LOC112694756: variants seen among roughly 807,000 people sequenced by gnomAD.
the LOC112694756 span, among the ~76,000 whole-genome samples, chr16:30,063,113 C>T: frequency 1.3e-5 from 2 of 151,448 alleles, no homozygotes; most frequent in African/African-American, 2.4e-5. Context: ...TGCACTCCAC[C>T]CTGGGCAACA....
the LOC112694756 span, chr16:30,066,753 C>A: frequency 1.0e-6 from 1 of 990,358 alleles, no homozygotes; most frequent in Admixed American, 2.8e-5. Flanking sequence ...TCAGATCTGG[C>A]TCCGGGGTTG....
At chr16:30,070,079 A>G in the LOC112694756 span, 2 of 1,613,616 alleles carry the variant, frequency 1.2e-6, no homozygotes, top group Non-Finnish European at 1.7e-6. Context: ...TGGGACTCGG[A>G]GAAGAGCCCT....
chr16:30,068,062 A>T, the LOC112694756 span: 73 of 176,884 alleles, frequency 4.1e-4, no homozygotes, highest in African/African-American at 1.9e-3. Context: ...TTTTAAGTAA[A>T]TTTTTTTTTT....
chr16:30,058,540 C>T, the LOC112694756 span, among the ~76,000 whole-genome samples: 3 of 149,460 alleles, frequency 2.0e-5, no homozygotes, highest in Non-Finnish European at 4.4e-5. Context: ...TGCTGGAGTG[C>T]AGTGGTGCAA....
chr16:30,054,243 C>T, the LOC112694756 span, among the ~76,000 whole-genome samples: 2 of 151,418 alleles, frequency 1.3e-5, no homozygotes, highest in African/African-American at 4.9e-5. Flanking sequence ...TCGCTTGAAC[C>T]CGGGTGGCAG....
At chr16:30,069,454 C>T in the LOC112694756 span, 20 of 1,614,018 alleles carry the variant, frequency 1.2e-5, no homozygotes, top group Middle Eastern at 1.7e-4. Context: ...TAACCCCTAT[C>T]CTCTCCTCCA....
the LOC112694756 span, chr16:30,065,895 G>A: frequency 6.5e-6 from 1 of 153,496 alleles, no homozygotes; most frequent in Non-Finnish European, 1.5e-5. Context: ...CTCTGCCGCC[G>A]CACCCTGCAC....
chr16:30,066,430 C>G, the LOC112694756 span, among the ~76,000 whole-genome samples: 1 of 152,212 alleles, frequency 6.6e-6, no homozygotes, highest in South Asian at 2.1e-4. Flanking sequence ...TGCAGCCATG[C>G]GAAGCGACGG....
At chr16:30,067,300 C>G in the LOC112694756 span, 1 of 1,612,954 alleles carries the variant, frequency 6.2e-7, no homozygotes, top group African/African-American at 1.3e-5. Context: ...GAAGAAGGAG[C>G]TGTCTGACAT....
the LOC112694756 span, among the ~76,000 whole-genome samples, chr16:30,056,018 C>T: frequency 6.6e-6 from 1 of 151,818 alleles, no homozygotes; most frequent in South Asian, 2.1e-4. Context: ...CCAGGCTGGT[C>T]TCGAACTCCT....
At chr16:30,063,356 TC>T in the LOC112694756 span, among the ~76,000 whole-genome samples, 3 of 152,122 alleles carry the variant, frequency 2.0e-5, no homozygotes, top group Non-Finnish European at 4.4e-5. Context: ...GCTTTCTCTG[TC>T]TACTGCCTCA....
chr16:30,068,218 C>G, the LOC112694756 span: 1 of 322,146 alleles, frequency 3.1e-6, no homozygotes, highest in Admixed American at 4.4e-5. Context: ...GCGCCCGCCA[C>G]CACCCGGCTA....
the LOC112694756 span, among the ~76,000 whole-genome samples, chr16:30,065,248 G>A: frequency 6.6e-6 from 1 of 152,228 alleles, no homozygotes; most frequent in East Asian, 1.9e-4. Context: ...CAGTGACAGG[G>A]TGTCGGCTCC....
At chr16:30,067,842 C>T in the LOC112694756 span, 1 of 713,724 alleles carries the variant, frequency 1.4e-6, no homozygotes, top group Non-Finnish European at 2.4e-6. Flanking sequence ...CAGTATCATT[C>T]CCACTTTACA....
chr16:30,057,950 A>G, the LOC112694756 span, among the ~76,000 whole-genome samples: 1 of 151,490 alleles, frequency 6.6e-6, no homozygotes, highest in Non-Finnish European at 1.5e-5. Context: ...AAACCAAAGC[A>G]AAAAAACCTC....
the LOC112694756 span, chr16:30,068,903 G>A: frequency 6.2e-7 from 1 of 1,614,236 alleles, no homozygotes; most frequent in Non-Finnish European, 8.5e-7. Context: ...TGAAGATTGG[G>A]GAACACACCC....
At chr16:30,067,323 C>G in the LOC112694756 span, 12 of 1,613,608 alleles carry the variant, frequency 7.4e-6, no homozygotes, top group Non-Finnish European at 9.3e-6. Flanking sequence ...CTCACCGCAT[C>G]GTGGCACCTG....
chr16:30,058,349 C>G, the LOC112694756 span, among the ~76,000 whole-genome samples: 1 of 152,308 alleles, frequency 6.6e-6, no homozygotes, highest in East Asian at 1.9e-4. Flanking sequence ...CACTTGGCAG[C>G]TGTAGACACT....
chr16:30,063,445 C>T, the LOC112694756 span, among the ~76,000 whole-genome samples: 1,032 of 152,270 alleles, frequency 6.8e-3, 5 homozygotes, highest in Non-Finnish European at 0.01. Context: ...GCACGGGACC[C>T]AGGGCCAGTT....
Sources: gnomAD v4.1 joint callset for allele counts (sites outside exome capture counted in the v4.1 genomes callset) on GRCh38, gnomAD v4.1.1 for gene constraint, MANE v1.5 for transcripts.